GGA2: variants seen among roughly 807,000 people sequenced by gnomAD.
GGA2 encodes golgi associated, gamma adaptin ear containing, ARF binding protein 2.
In GGA2, 48 loss-of-function variants were observed where a neutral mutation model predicts 79.5. The ratio of observed to expected loss-of-function variants is 0.60; its 90% confidence interval spans 0.48 to 0.77. The LOEUF (loss-of-function observed/expected upper bound fraction) is 0.77, where lower values mean the gene tolerates loss of function less well. GGA2 is among the 30% of genes least tolerant of loss of function. The probability of loss-of-function intolerance (pLI) is 0.00; values close to 1 mark genes in which losing one functional copy is unlikely to be tolerated. For synonymous variants in GGA2, 317 were observed against 302.0 expected (o/e 1.05, Z -0.51); for missense variants, 770 against 774.0 (o/e 0.99, Z 0.06).
intron 8 of GGA2, 101 bp downstream of exon 8, chr16:23,485,914 C>T: frequency 2.8e-6 from 3 of 1,077,474 alleles, no homozygotes; most frequent in South Asian, 1.5e-5. Context: ...GATATGTTTA[C>T]CGTCTTGACT....
upstream of GGA2, chr16:23,524,285 G>A (rs1408043950): frequency 1.7e-6 from 2 of 1,164,236 alleles, no homozygotes; most frequent in Admixed American, 1.8e-5. Context: ...TTCCCGACGG[G>A]CCCCAGGCCT....
intron 9 of GGA2, among the ~76,000 whole-genome samples, chr16:23,481,330 A>G (rs1232903480): frequency 6.6e-6 from 1 of 152,134 alleles, no homozygotes; most frequent in Non-Finnish European, 1.5e-5. Context: ...CTGAGATCGC[A>G]CCATTGCACT....
chr16:23,518,752 C>A (rs1965117759), intron 2 of GGA2, among the ~76,000 whole-genome samples: 1 of 152,218 alleles, frequency 6.6e-6, no homozygotes, highest in Non-Finnish European at 1.5e-5. Flanking sequence ...CTGATGAGTG[C>A]CATTTCTGAA....
chr16:23,511,905 C>T (rs1348172977), upstream of GGA2, among the ~76,000 whole-genome samples: 1 of 152,176 alleles, frequency 6.6e-6, no homozygotes, highest in Non-Finnish European at 1.5e-5. Flanking sequence ...GCTTTTCGAC[C>T]GGGGTGAGAG....
At chr16:23,497,755 C>T (rs548578758) in intron 1 of GGA2, among the ~76,000 whole-genome samples, 6 of 152,320 alleles carry the variant, frequency 3.9e-5, no homozygotes, top group African/African-American at 1.4e-4. Context: ...ATTTTATCTG[C>T]CCCTTCTCCG....
chr16:23,480,325 C>T, intron 10 of GGA2: 2 of 321,924 alleles, frequency 6.2e-6, no homozygotes, highest in Non-Finnish European at 1.2e-5. Context: ...TACAGCTGAC[C>T]TGGCACTAGG....
chr16:23,500,404 G>A (rs1216830231), intron 1 of GGA2, among the ~76,000 whole-genome samples: 15 of 152,176 alleles, frequency 9.9e-5, no homozygotes, highest in Admixed American at 9.8e-4. Context: ...GGGGGTCTGC[G>A]GAGCTGTACT....
In GGA2 at chr16:23,467,222, C is replaced by A; in HGVS notation, c.*368G>T. ...GAGTGGATGAATGGAACGAACGATA[C>A]ATGAAAAAAACACTTTGGCTGATAA... On this transcript the variant is annotated 3_prime_UTR_variant, in exon 17 of 17. Coordinates refer to ENST00000309859, the MANE Select transcript of GGA2 (RefSeq NM_015044.4). The A allele has an allele frequency of 4.8e-6, 1 of 209,500 alleles. No individual in the cohort carries two copies. The highest frequency in any genetic ancestry group is 9.7e-6 in the Non-Finnish European group (1 of 103,076). The allele number at this position is 209,500 out of a possible 1,614,324, so 13.0% of individuals were successfully genotyped here.
At chr16:23,486,219 T>C (rs1005757829) in intron 7 of GGA2, 67 bp from the exon 8 acceptor site, 2 of 1,447,948 alleles carry the variant, frequency 1.4e-6, no homozygotes, top group Non-Finnish European at 1.9e-6. Flanking sequence ...GAACAAGGGA[T>C]GGGAAAGAGT....
chr16:23,499,821 T>G (rs918158461), intron 1 of GGA2, among the ~76,000 whole-genome samples: 3 of 152,232 alleles, frequency 2.0e-5, no homozygotes, highest in Non-Finnish European at 4.4e-5. Flanking sequence ...CCTCACAGTG[T>G]AGAAACCTGA....
intron 1 of GGA2, chr16:23,500,892 G>T: frequency 5.3e-6 from 1 of 187,096 alleles, no homozygotes; most frequent in Non-Finnish European, 1.1e-5. Context: ...AAATGAGTGT[G>T]CAAGAAAAGA....
intron 6 of GGA2, among the ~76,000 whole-genome samples, chr16:23,487,293 C>T (rs1964727796): frequency 6.6e-6 from 1 of 152,126 alleles, no homozygotes. Context: ...CACTGGTTTT[C>T]AGTGGGGTAG....
intron 9 of GGA2, among the ~76,000 whole-genome samples, chr16:23,482,231 T>A (rs1304187016): frequency 6.6e-6 from 1 of 152,130 alleles, no homozygotes; most frequent in Non-Finnish European, 1.5e-5. Context: ...ACAACTGCAC[T>A]CTAACCTGGA....
chr16:23,506,157 C>A (rs949533003), intron 1 of GGA2, among the ~76,000 whole-genome samples: 3 of 152,132 alleles, frequency 2.0e-5, no homozygotes, highest in Non-Finnish European at 4.4e-5. Flanking sequence ...TTTGCAGGGA[C>A]CTGATCTTGG....
chr16:23,486,827 A>G, intron 6 of GGA2, 37 bp from the exon 7 acceptor site: 2 of 1,208,226 alleles, frequency 1.7e-6, no homozygotes, highest in Non-Finnish European at 2.5e-6. Context: ...GTGAGACCAC[A>G]ACTCCCTCAG....
upstream of GGA2, chr16:23,510,556 C>CA (rs1170092760): frequency 1.5e-5 from 6 of 389,608 alleles, no homozygotes; most frequent in Admixed American, 9.1e-5. Flanking sequence ...ACCCCAGGCC[C>CA]CCCCTCCACG....
chr16:23,470,700 T>A (rs1281490629), intron 14 of GGA2, among the ~76,000 whole-genome samples: 1 of 150,578 alleles, frequency 6.6e-6, no homozygotes, highest in African/African-American at 2.4e-5. Context: ...GAGGCGGAGG[T>A]TGCAATGAAC....
chr16:23,473,661 C>A (rs1286778886), intron 14 of GGA2, among the ~76,000 whole-genome samples: 1 of 152,084 alleles, frequency 6.6e-6, no homozygotes, highest in Non-Finnish European at 1.5e-5. Context: ...ACATTTTGAA[C>A]ATGTATTTTT....
chr16:23,468,316 T>C (rs1964467821), intron 16 of GGA2, among the ~76,000 whole-genome samples: 1 of 151,848 alleles, frequency 6.6e-6, no homozygotes, highest in Non-Finnish European at 1.5e-5. Flanking sequence ...TAGCTGAGAC[T>C]ACAGGCGCAC....
Sources: gnomAD v4.1 joint callset for allele counts (sites outside exome capture counted in the v4.1 genomes callset) on GRCh38, gnomAD v4.1.1 for gene constraint, MANE v1.5 for transcripts, NCBI Gene and HGNC (gene_info 2026-07-23, HGNC 2026-07-21) for gene names.